ELF4: variants seen among roughly 807,000 people sequenced by gnomAD.
ELF4 encodes the protein ETS-related transcription factor Elf-4.
ELF4 carries 10 observed loss-of-function variants against 31.7 expected under a neutral mutation model. That is an observed-to-expected ratio of 0.32 (90% CI 0.19 to 0.54). The LOEUF (loss-of-function observed/expected upper bound fraction) is 0.54, where lower values mean the gene tolerates loss of function less well. Ranked by LOEUF, ELF4 falls within the 20% of genes least tolerant of loss-of-function variation. The probability of loss-of-function intolerance (pLI) is 0.95; values close to 1 mark genes in which losing one functional copy is unlikely to be tolerated. For synonymous variants in ELF4, 208 were observed against 226.7 expected (o/e 0.92, Z 0.74); for missense variants, 418 against 522.0 (o/e 0.80, Z 1.94).
At chrX:130,102,517 GA>G (rs1933279963) in intron 1 of ELF4, among the ~76,000 whole-genome samples, 2 of 109,853 alleles carry the variant, frequency 1.8e-5, no homozygotes. Context: ...TATGCATAAA[GA>G]AAAAGAAAAA....
Position 130,102,881 on chromosome X carries a change from AG to A in ELF4, c.-210+7443del, listed in dbSNP as rs60277458. Among the ~76,000 whole-genome samples the A allele has an allele frequency of 2.8e-3, 183 of 65,823 alleles. 1 individual carries two copies. Among genetic ancestry groups the A allele is most frequent in the African/African-American group, 7.0e-3 (124 of 17,612 alleles). The allele number at this position is 65,823 out of a possible 115,157, so 57.2% of individuals were successfully genotyped here. A position where few individuals can be genotyped will look rare whatever the true frequency, so the allele number is the denominator to read the frequency against. ...GAGAGAGAGAGAGAGAGAGAGAGAG[AG>A]AGAGAAAGAAAGAAAGAAAGAAAGA... On this transcript the variant is annotated intron_variant, in intron 1 of 8. Coordinates refer to ENST00000308167, the MANE Select transcript of ELF4 (RefSeq NM_001421.4).
rs141284451 is a variant in ELF4 at position 130,066,903 on chromosome X, G to A, written c.1810C>T (p.Arg604Cys). ...ACTGGGGTCAGCCCAACAGTGGGGC[G>A]GCTGGGAGGAGACAAAGTCTGGTTG... The part of the protein sequence containing the change: ...LGNQTLSPPS[R>C]PTVGLTPVAE... Residue 604 changes from arginine to cysteine, a missense_variant, in exon 9 of 9, where the codon CGC becomes TGC. Arg to Cys is a radical substitution (Grantham distance 180). Around this residue, in one of 4 missense-constraint regions of ELF4, gnomAD observed 260 missense variants for 269.2 expected, o/e 0.97. Transcript: ENST00000308167. The A allele has an allele frequency of 3.9e-3, 4,775 of 1,210,628 alleles. 13 individuals are homozygous for A. Among genetic ancestry groups the A allele is most frequent in the Non-Finnish European group, 4.9e-3 (4,364 of 895,303 alleles).
intron 4 of ELF4, 68 bp from the exon 5 acceptor site, chrX:130,072,485 A>G (rs1194074240): frequency 1.8e-6 from 2 of 1,101,951 alleles, no homozygotes; most frequent in African/African-American, 3.6e-5. Flanking sequence ...CCAGCGCTGG[A>G]GAGACGGGTA....
At chrX:130,067,996 G>C (rs1444944862) in intron 8 of ELF4, among the ~76,000 whole-genome samples, 1 of 111,244 alleles carries the variant, frequency 9.0e-6, no homozygotes, top group Non-Finnish European at 1.9e-5. Flanking sequence ...ATTTTTAGTA[G>C]AGACAGAGTT....
chrX:130,081,631 T>C (rs893247058), intron 1 of ELF4, 92 bp from the exon 2 acceptor site: 1 of 367,869 alleles, frequency 2.7e-6, no homozygotes, highest in African/African-American at 2.6e-5. Flanking sequence ...GACCCTGCCA[T>C]GCTAAGGCAG....
chrX:130,106,293 C>T (rs1226417736), intron 1 of ELF4, among the ~76,000 whole-genome samples: 3 of 110,778 alleles, frequency 2.7e-5, no homozygotes, highest in Non-Finnish European at 3.8e-5. Context: ...GCCACTGGCC[C>T]GGCTGCTTGT....
intron 1 of ELF4, among the ~76,000 whole-genome samples, chrX:130,083,832 C>CTGGA (rs773641555): frequency 0.19 from 19,898 of 103,083 alleles, 1,746 homozygotes; most frequent in Middle Eastern, 0.23. Context: ...GGATGGATGG[C>CTGGA]TGGATGGATG....
chrX:130,105,697 C>T (rs759795093), intron 1 of ELF4, among the ~76,000 whole-genome samples: 8 of 111,559 alleles, frequency 7.2e-5, no homozygotes, highest in African/African-American at 2.6e-4. Context: ...CTCTTTCCTC[C>T]ACCTGAAGCT....
chrX:130,093,984 C>A (rs908474434), intron 1 of ELF4, among the ~76,000 whole-genome samples: 2 of 111,942 alleles, frequency 1.8e-5, no homozygotes, highest in African/African-American at 3.3e-5. Context: ...GTAATCCCAA[C>A]ACTTTGGGAG....
chrX:130,089,548 T>G (rs2124627190), intron 1 of ELF4, among the ~76,000 whole-genome samples: 1 of 99,344 alleles, frequency 1.0e-5, no homozygotes, highest in South Asian at 5.1e-4. Flanking sequence ...CACCTCTCCT[T>G]GAGTCAGAGT....
chrX:130,082,553 C>T (rs1169814795), intron 1 of ELF4, among the ~76,000 whole-genome samples: 1 of 111,754 alleles, frequency 8.9e-6, no homozygotes, highest in Non-Finnish European at 1.9e-5. Context: ...GCAGCCCAAA[C>T]ACACCTCCTC....
chrX:130,107,406 T>G (rs1022880430), intron 1 of ELF4, among the ~76,000 whole-genome samples: 1 of 111,971 alleles, frequency 8.9e-6, no homozygotes, highest in African/African-American at 3.3e-5. Flanking sequence ...GGCCAGGGTC[T>G]TCAGGCAAAG....
At position 130,071,403 on chromosome X, in the gene ELF4, G is replaced by T; in HGVS notation, c.549C>A (p.Gly183=). The stretch of plus-strand genomic sequence containing the variant: ...CAGTGACAGGTGAGGTACTTCGGTT[G>T]CCCTTGGTCTTCCGGACTATGAGGG... The part of the protein sequence containing the change: ...KSKKRIRKTK[G]NRSTSPVTDP... The change falls in exon 6 of 9, where the codon GGC becomes GGA. Residue 183 remains glycine, a synonymous_variant. Transcript: ENST00000308167. The T allele has an allele frequency of 1.1e-5, 13 of 1,211,766 alleles. No homozygotes were observed. The highest frequency in any genetic ancestry group is 1.5e-5 in the Non-Finnish European group (13 of 895,490).
intron 1 of ELF4, among the ~76,000 whole-genome samples, chrX:130,085,183 C>T (rs931071356): frequency 2.2e-4 from 25 of 112,108 alleles, no homozygotes; most frequent in African/African-American, 7.8e-4. Context: ...TCCCTTCACA[C>T]CCTTTGAGGC....
At chrX:130,079,820 A>G (rs1358946041) in intron 2 of ELF4, among the ~76,000 whole-genome samples, 1 of 112,145 alleles carries the variant, frequency 8.9e-6, no homozygotes, top group East Asian at 2.8e-4. Flanking sequence ...CAAATGGAAA[A>G]TGACAAGTAG....
chrX:130,103,027 T>G (rs956658641), intron 1 of ELF4, among the ~76,000 whole-genome samples: 12 of 109,638 alleles, frequency 1.1e-4, no homozygotes, highest in Non-Finnish European at 2.1e-4. Flanking sequence ...TACAGAAAAA[T>G]TAACTCAAAG....
In ELF4 at chrX:130,101,801, AAAAACAAAAC is replaced by A. The variant is rs3080372; in HGVS notation, c.-210+8514_-210+8523del. The stretch of plus-strand genomic sequence containing the variant: ...GCGACAAGAGGGAAACTCCGTCTCA[AAAAACAAAAC>A]AAAACAAAACAAAACAAAACAAAAC... On this transcript the variant is annotated intron_variant, in intron 1 of 8. Coordinates refer to ENST00000308167, the MANE Select transcript of ELF4 (RefSeq NM_001421.4). Among the ~76,000 whole-genome samples the A allele has an allele frequency of 2.4e-3, 230 of 97,368 alleles. 1 individual carries two copies. The highest frequency in any genetic ancestry group is 5.0e-3 in the African/African-American group (119 of 24,029). 84.6% of individuals were successfully genotyped at this position (97,368 alleles called of 115,157 possible).
intron 1 of ELF4, among the ~76,000 whole-genome samples, chrX:130,104,277 TACACACAC>T (rs61193112): frequency 3.7e-4 from 32 of 86,420 alleles, no homozygotes; most frequent in Admixed American, 8.0e-4. Context: ...TTCAGTATAT[TACACACAC>T]ACACACACAC....
chrX:130,082,692 C>G (rs1932902857), intron 1 of ELF4, among the ~76,000 whole-genome samples: 1 of 111,657 alleles, frequency 9.0e-6, no homozygotes. Context: ...TGGTCACACC[C>G]AGGCCTGCCT....
Sources: gnomAD v4.1 joint callset for allele counts (sites outside exome capture counted in the v4.1 genomes callset) on GRCh38, gnomAD v4.1.1 for gene constraint, gnomAD v4.1.1 regional missense constraint, MANE v1.5 for transcripts, NCBI Gene and HGNC (gene_info 2026-07-23, HGNC 2026-07-21) for gene names.